The following TRPC4 variants were observed in gnomAD, a reference collection of about 807,000 sequenced individuals.
TRPC4 encodes short transient receptor potential channel 4.
In TRPC4, 49 loss-of-function variants were observed where a neutral mutation model predicts 99.4. That is an observed-to-expected ratio of 0.49 (90% CI 0.39 to 0.63). The LOEUF (loss-of-function observed/expected upper bound fraction) is 0.63, where lower values mean the gene tolerates loss of function less well. Ranked by LOEUF, TRPC4 falls within the 20% of genes least tolerant of loss-of-function variation. The probability of loss-of-function intolerance (pLI) is 0.00; values close to 1 mark genes in which losing one functional copy is unlikely to be tolerated. For synonymous variants in TRPC4, 454 were observed against 425.9 expected (o/e 1.07, Z -0.81); for missense variants, 898 against 1,152.9 (o/e 0.78, Z 3.20).
chr13:37,745,460 A>ATATATATGCGTG (rs1555265749), intron 3 of TRPC4, among the ~76,000 whole-genome samples: 7 of 4,928 alleles, frequency 1.4e-3, no homozygotes, highest in Non-Finnish European at 3.6e-3. Flanking sequence ...ATATATATAT[A>ATATATATGCGTG]TATATATATA....
At chr13:37,674,746 T>C (rs984041983) in intron 4 of TRPC4, among the ~76,000 whole-genome samples, 9 of 152,200 alleles carry the variant, frequency 5.9e-5, no homozygotes, top group Admixed American at 3.9e-4. Context: ...TCAAAGATCA[T>C]GAAAATCAGT....
chr13:37,680,490 A>T (rs1566091220), intron 4 of TRPC4, among the ~76,000 whole-genome samples: 1 of 152,322 alleles, frequency 6.6e-6, no homozygotes, highest in East Asian at 1.9e-4. Flanking sequence ...TCCTAACTGC[A>T]TAAATTGCCA....
chr13:37,764,723 C>T (rs1311831771), intron 2 of TRPC4, among the ~76,000 whole-genome samples: 4 of 148,456 alleles, frequency 2.7e-5, no homozygotes, highest in African/African-American at 9.9e-5. Context: ...TAAGGAATAT[C>T]TTTTGTCTAT....
At chr13:37,700,499 T>A (rs1449869273) in intron 3 of TRPC4, among the ~76,000 whole-genome samples, 1 of 152,106 alleles carries the variant, frequency 6.6e-6, no homozygotes, top group African/African-American at 2.4e-5. Flanking sequence ...TCCCAGTAGG[T>A]CAAGAATTCA....
At chr13:37,814,774 T>A (rs1429485090) in intron 1 of TRPC4, among the ~76,000 whole-genome samples, 2 of 151,772 alleles carry the variant, frequency 1.3e-5, no homozygotes, top group African/African-American at 2.4e-5. Flanking sequence ...ATCTATAAAT[T>A]TAATGCCATC....
chr13:37,803,897 C>T (rs1957467263), intron 1 of TRPC4, among the ~76,000 whole-genome samples: 1 of 151,994 alleles, frequency 6.6e-6, no homozygotes, highest in South Asian at 2.1e-4. Flanking sequence ...GTTGCTGGAG[C>T]ACTGGGAGAA....
chr13:37,807,187 A>C (rs1016389285), intron 1 of TRPC4, among the ~76,000 whole-genome samples: 1 of 151,926 alleles, frequency 6.6e-6, no homozygotes, highest in Non-Finnish European at 1.5e-5. Flanking sequence ...CTTCTCTCTC[A>C]TATATGTTTA....
chr13:37,640,247 T>C (rs1271027974), intron 8 of TRPC4, among the ~76,000 whole-genome samples: 3 of 152,064 alleles, frequency 2.0e-5, no homozygotes, highest in Non-Finnish European at 4.4e-5. Context: ...TATACCTTGG[T>C]TTTAAAATGA....
intron 8 of TRPC4, among the ~76,000 whole-genome samples, chr13:37,645,364 T>G (rs1188451738): frequency 6.6e-6 from 1 of 152,188 alleles, no homozygotes; most frequent in East Asian, 1.9e-4. Flanking sequence ...AAGAGAGGTC[T>G]CTGGAGAGTG....
At chr13:37,773,700 A>C (rs536072789) in intron 2 of TRPC4, among the ~76,000 whole-genome samples, 4 of 151,930 alleles carry the variant, frequency 2.6e-5, no homozygotes, top group African/African-American at 9.6e-5. Context: ...GGTTTAAATA[A>C]GATAACAATC....
chr13:37,691,992 C>T lies in TRPC4; in HGVS notation c.1234+7G>A. On this transcript the variant is annotated splice_region_variant and intron_variant, in intron 4 of 10. Coordinates refer to ENST00000379705, the MANE Select transcript of TRPC4 (RefSeq NM_016179.4). ...TTTTATTATATTTTCTATAGTAACA[C>T]ATTTACCCAGGACCCACGGTAATAT... 1 of 1,605,322 alleles carries T rather than the reference C, an allele frequency of 6.2e-7. No homozygotes were observed. The highest frequency in any genetic ancestry group is 8.5e-7 in the Non-Finnish European group (1 of 1,174,412).
At chr13:37,665,159 A>G (rs1045924169) in intron 5 of TRPC4, among the ~76,000 whole-genome samples, 5 of 152,170 alleles carry the variant, frequency 3.3e-5, no homozygotes, top group African/African-American at 9.7e-5. Context: ...GCTATGTATG[A>G]TGCCACCTTT....
chr13:37,641,419 A>C (rs1951711953), intron 8 of TRPC4, among the ~76,000 whole-genome samples: 1 of 152,230 alleles, frequency 6.6e-6, no homozygotes. Flanking sequence ...GTAATACCAC[A>C]AAACTATTTT....
At chr13:37,743,929 C>A (rs116639597) in intron 3 of TRPC4, among the ~76,000 whole-genome samples, 35 of 152,030 alleles carry the variant, frequency 2.3e-4, no homozygotes, top group Non-Finnish European at 4.1e-4. Context: ...AATGCCATGA[C>A]CAAAATGAGT....
At chr13:37,742,336 C>T (rs1375864265) in intron 3 of TRPC4, among the ~76,000 whole-genome samples, 1 of 152,026 alleles carries the variant, frequency 6.6e-6, no homozygotes, top group African/African-American at 2.4e-5. Flanking sequence ...CCAAATAGTG[C>T]AATTTATTCA....
At position 37,684,794 on chromosome 13, in the gene TRPC4, TACACACACACACACACAC is replaced by T. The variant is rs57132536; in HGVS notation, c.1234+7187_1234+7204del. Among the ~76,000 whole-genome samples, 249 of 140,758 alleles carry T rather than the reference TACACACACACACACACAC, an allele frequency of 1.8e-3. 4 individuals carry two copies. The East Asian group carries it at 0.037, about 21-fold the overall frequency. The allele number at this position is 140,758 out of a possible 152,430, so 92.3% of individuals were successfully genotyped here. A position where few individuals can be genotyped will look rare whatever the true frequency, so the allele number is the denominator to read the frequency against. On this transcript the variant is annotated intron_variant, in intron 4 of 10. Coordinates refer to ENST00000379705, the MANE Select transcript of TRPC4 (RefSeq NM_016179.4). ...TCTTTCGATTTTCCTGAGTACCCCTTACACACACACACACACACACACACACACACACACACACACACA... is the reference window on the plus strand; with the variant it reads ...TCTTTCGATTTTCCTGAGTACCCCTTACACACACACACACACACACACACA...
At chr13:37,858,960 A>G (rs910816870) in intron 1 of TRPC4, among the ~76,000 whole-genome samples, 4 of 151,560 alleles carry the variant, frequency 2.6e-5, no homozygotes, top group African/African-American at 9.7e-5. Flanking sequence ...CATAAAAGAT[A>G]AATGGTCAAG....
Position 37,799,014 on chromosome 13 carries a change from C to T in TRPC4, c.-27-15654G>A, listed in dbSNP as rs534183304. On this transcript the variant is annotated intron_variant, in intron 1 of 10. Coordinates refer to ENST00000379705, the MANE Select transcript of TRPC4 (RefSeq NM_016179.4). Reference sequence around the variant, plus strand: ...TGGCGTGATCTCCGCTCACTGCAACCTCTGCCTCCTGGGTTCACGCCATTC... The same window carrying T: ...TGGCGTGATCTCCGCTCACTGCAACTTCTGCCTCCTGGGTTCACGCCATTC... 8.6e-5 allele frequency among the ~76,000 whole-genome samples: 13 copies of T among 151,242 alleles called. No individual in the cohort carries two copies. The South Asian group carries it at 2.5e-3, about 29-fold the overall frequency.
chr13:37,789,998 T>C (rs1469727328), intron 1 of TRPC4, among the ~76,000 whole-genome samples: 1 of 152,030 alleles, frequency 6.6e-6, no homozygotes, highest in African/African-American at 2.4e-5. Context: ...CATATTAATC[T>C]CTACAAAATT....
Sources: gnomAD v4.1 joint callset for allele counts (sites outside exome capture counted in the v4.1 genomes callset) on GRCh38, gnomAD v4.1.1 for gene constraint, MANE v1.5 for transcripts, NCBI Gene and HGNC (gene_info 2026-07-23, HGNC 2026-07-21) for gene names.